The following SLC4A5 variants were observed in gnomAD, a reference collection of about 807,000 sequenced individuals.
The protein encoded by SLC4A5 is electrogenic sodium bicarbonate cotransporter 4.
Under a neutral mutation model 120.4 loss-of-function variants are expected in SLC4A5, and 96 were observed. The observed-to-expected ratio is 0.80, with a 90% CI of 0.68 to 0.94. The LOEUF (loss-of-function observed/expected upper bound fraction) is 0.94, where lower values mean the gene tolerates loss of function less well. SLC4A5 is among the 40% of genes least tolerant of loss of function. The probability of loss-of-function intolerance (pLI) is 0.00; values close to 1 mark genes in which losing one functional copy is unlikely to be tolerated. For synonymous variants in SLC4A5, 550 were observed against 571.1 expected (o/e 0.96, Z 0.53); for missense variants, 1,259 against 1,459.5 (o/e 0.86, Z 2.24).
chr2:74,307,901 A>G, intron 6 of SLC4A5: 1 of 493,460 alleles, frequency 2.0e-6, no homozygotes, highest in South Asian at 1.7e-5. Context: ...CGGCACCTGC[A>G]TAGACACTGG....
intron 6 of SLC4A5, among the ~76,000 whole-genome samples, chr2:74,305,647 G>A (rs1672618255): frequency 6.6e-6 from 1 of 150,746 alleles, no homozygotes; most frequent in Admixed American, 6.6e-5. Context: ...ATATAGAATA[G>A]CTTCACTACT....
At chr2:74,327,512 C>A (rs937171845) in intron 5 of SLC4A5, among the ~76,000 whole-genome samples, 1 of 152,154 alleles carries the variant, frequency 6.6e-6, no homozygotes, top group Non-Finnish European at 1.5e-5. Flanking sequence ...GAAACACCCA[C>A]GCATGCTCCA....
intron 19 of SLC4A5, among the ~76,000 whole-genome samples, chr2:74,243,615 T>C (rs1490614539): frequency 2.0e-5 from 3 of 152,206 alleles, no homozygotes; most frequent in Non-Finnish European, 2.9e-5. Context: ...GGGCTTCTCA[T>C]TCAAATGCTA....
At position 74,270,020 on chromosome 2, in the gene SLC4A5, G is replaced by A. The variant is rs564942642; in HGVS notation, c.402-4756C>T. On this transcript the variant is annotated intron_variant, in intron 8 of 30. Transcript: ENST00000394019. ...ACCCCATAGACACACAGACAAGGGC[G>A]ATAACCCACATGAGAATAGCCTGCA... 6.6e-5 allele frequency among the ~76,000 whole-genome samples: 10 copies of A among 152,256 alleles called. No individual in the cohort carries two copies. The South Asian group carries it at 1.9e-3, about 28-fold the overall frequency.
At chr2:74,307,129 T>G in intron 6 of SLC4A5, 1 of 553,214 alleles carries the variant, frequency 1.8e-6, no homozygotes, top group East Asian at 3.9e-5. Flanking sequence ...CTCAGTTTCA[T>G]GAGCATCATC....
At chr2:74,317,918 C>T (rs985834437) in intron 5 of SLC4A5, among the ~76,000 whole-genome samples, 1 of 152,090 alleles carries the variant, frequency 6.6e-6, no homozygotes, top group African/African-American at 2.4e-5. Flanking sequence ...ACATGAACAG[C>T]CAGCCAAGAA....
rs1422897349 is a variant in SLC4A5, at chr2:74,227,149, C to T, written c.2917-19G>A. The T allele has an allele frequency of 6.3e-7, 1 of 1,590,774 alleles. No homozygotes were observed. On this transcript the variant is annotated intron_variant, in intron 26 of 30. Coordinates refer to ENST00000394019, the Ensembl canonical transcript of SLC4A5. Reference sequence around the variant, plus strand: ...CCCAGAACTAGGGGGACAGCGGGGGCTCAGCCAGGCAGCCAGACCCCGAGG... The same window carrying T: ...CCCAGAACTAGGGGGACAGCGGGGGTTCAGCCAGGCAGCCAGACCCCGAGG...
chr2:74,312,559 G>A (rs1423157245), intron 6 of SLC4A5, among the ~76,000 whole-genome samples: 7 of 152,086 alleles, frequency 4.6e-5, no homozygotes, highest in Admixed American at 4.6e-4. Flanking sequence ...TAGGTTTCTT[G>A]TCACATAGTT....
chr2:74,279,379 T>C (rs545322836), intron 8 of SLC4A5, among the ~76,000 whole-genome samples: 1 of 152,216 alleles, frequency 6.6e-6, no homozygotes, highest in Non-Finnish European at 1.5e-5. Flanking sequence ...TGAATGTCTC[T>C]CAGCCCTTGA....
chr2:74,341,007 G>A (rs762568182), intron 2 of SLC4A5, among the ~76,000 whole-genome samples: 9 of 152,118 alleles, frequency 5.9e-5, no homozygotes, highest in East Asian at 1.9e-4. Flanking sequence ...TAGTCCCACC[G>A]AATAAATGTA....
intron 8 of SLC4A5, among the ~76,000 whole-genome samples, chr2:74,273,643 G>A (rs1236988603): frequency 6.6e-6 from 1 of 152,170 alleles, no homozygotes; most frequent in Non-Finnish European, 1.5e-5. Context: ...TTTCTTAAAA[G>A]TAAGAAATGT....
chr2:74,337,571 T>A (rs1170638786), intron 3 of SLC4A5, among the ~76,000 whole-genome samples: 1 of 152,250 alleles, frequency 6.6e-6, no homozygotes, highest in African/African-American at 2.4e-5. Context: ...ACTGGTATTC[T>A]AAAGGATAAA....
At chr2:74,265,078 G>C in intron 9 of SLC4A5, 26 bp downstream of exon 9, 2 of 1,603,454 alleles carry the variant, frequency 1.2e-6, no homozygotes, top group Non-Finnish European at 1.7e-6. Context: ...CCACAGGAGA[G>C]ATGCACACAG....
chr2:74,220,265 A>G (rs1694583046), intron 30 of SLC4A5, among the ~76,000 whole-genome samples: 1 of 152,068 alleles, frequency 6.6e-6, no homozygotes, highest in East Asian at 1.9e-4. Context: ...GAACAATCAC[A>G]TTGTTGGCAT....
chr2:74,252,886 C>T, intron 15 of SLC4A5, 88 bp downstream of exon 15: 6 of 1,477,314 alleles, frequency 4.1e-6, no homozygotes, highest in South Asian at 3.5e-5. Context: ...CTATGCTGAG[C>T]CTCAGATGTA....
intron 8 of SLC4A5, among the ~76,000 whole-genome samples, chr2:74,282,188 T>C (rs890789388): frequency 4.7e-4 from 71 of 152,342 alleles, no homozygotes; most frequent in African/African-American, 1.6e-3. Flanking sequence ...TCTTGGCTGA[T>C]GGTCAAACCC....
intron 8 of SLC4A5, among the ~76,000 whole-genome samples, chr2:74,275,480 C>T (rs1002397042): frequency 7.9e-5 from 12 of 152,218 alleles, no homozygotes; most frequent in African/African-American, 2.4e-4. Context: ...GTCTGCCTCC[C>T]TCAGAGTCTG....
chr2:74,318,422 T>C (rs1328275061), intron 5 of SLC4A5, among the ~76,000 whole-genome samples: 1 of 152,164 alleles, frequency 6.6e-6, no homozygotes, highest in Non-Finnish European at 1.5e-5. Flanking sequence ...AGGTGGCTCA[T>C]GCCTGTAATC....
chr2:74,248,559 C>T lies in SLC4A5; in HGVS notation c.1654-73G>A, dbSNP rs534993793. On this transcript the variant is annotated intron_variant, in intron 17 of 30. Transcript: ENST00000394019. ...CTCTCCACACAGGCTGCAGCCCCAG[C>T]GATCTCTCCACGGGCCCAGGCCACA... 21 of 1,565,282 alleles carry T rather than the reference C, an allele frequency of 1.3e-5. No individual in the cohort carries two copies. In the East Asian group the frequency reaches 2.1e-4, roughly 15 times the overall value.
Sources: gnomAD v4.1 joint callset for allele counts (sites outside exome capture counted in the v4.1 genomes callset) on GRCh38, gnomAD v4.1.1 for gene constraint, MANE v1.5 for transcripts, NCBI Gene and HGNC (gene_info 2026-07-23, HGNC 2026-07-21) for gene names.